The following SLC43A1 variants were observed in gnomAD, a reference collection of about 807,000 sequenced individuals.
SLC43A1 encodes solute carrier family 43 member 1.
A neutral mutation model predicts 59.5 loss-of-function variants in SLC43A1; 31 were observed. That is an observed-to-expected ratio of 0.52 (90% confidence interval 0.39 to 0.70). The LOEUF (loss-of-function observed/expected upper bound fraction) is 0.70. Among genes scored for constraint, SLC43A1 ranks in the 30% least tolerant of loss-of-function variants. SLC43A1 has a pLI of 0.00. For synonymous variants in SLC43A1, 259 were observed against 290.9 expected, an observed-to-expected ratio of 0.89 and a Z score of 1.12; for missense variants, 598 against 717.8, an observed-to-expected ratio of 0.83 and a Z score of 1.91.
intron 2 of SLC43A1, 100 bp from the exon 3 acceptor site, chr11:57,501,429 C>T (rs1944266054): frequency 2.3e-6 from 3 of 1,282,168 alleles, no homozygotes; most frequent in Non-Finnish European, 3.3e-6. Flanking sequence ...AAATCCCATG[C>T]CAAGTGCCTT....
chr11:57,491,662 G>T (rs1191603350), intron 9 of SLC43A1, 36 bp from the exon 10 acceptor site: 5 of 1,614,172 alleles, frequency 3.1e-6, no homozygotes, highest in Non-Finnish European at 3.4e-6. Flanking sequence ...GGGGAGCTCA[G>T]CCAGGGTGAC....
At chr11:57,494,400 T>C in intron 7 of SLC43A1, 1 of 506,364 alleles carries the variant, frequency 2.0e-6, no homozygotes, top group Non-Finnish European at 3.4e-6. Flanking sequence ...GTTTTTCACT[T>C]GGGCTGTTCC....
Position 57,496,087 on chromosome 11 carries a change from G to C in SLC43A1, c.636C>G (p.Asn212Lys). The C allele has an allele frequency of 6.2e-7, 1 of 1,614,204 alleles. No individual in the cohort carries two copies. ...CTTCGATGGGCCAGTTGAGGGTGCA[G>C]TTCAGAAAGATAAGGCAGGCCAGGC... ...WSGLACLIFL[N>K]CTLNWPIEAF... Residue 212 changes from asparagine to lysine, a missense_variant, in exon 7 of 15, where the codon AAC becomes AAG. Coordinates refer to ENST00000278426, the MANE Select transcript of SLC43A1 (RefSeq NM_003627.6).
In SLC43A1 at chr11:57,513,981, C is replaced by T; in HGVS notation, c.131G>A (p.Gly44Asp). Reference sequence around the variant, plus strand: ...ACCTGGGCACGTGCTGGAATAGAAGCCCTCGTTCTTCAGAATGATCAACAG... The same window carrying T: ...ACCTGGGCACGTGCTGGAATAGAAGTCCTCGTTCTTCAGAATGATCAACAG... ...GSLLIILKNE[G>D]FYSSTCPAES... The change falls in exon 2 of 15, where the codon GGC becomes GAC. Residue 44 changes from glycine to aspartate, a missense_variant. Physicochemically the swap from Gly to Asp is moderately conservative, Grantham distance 94. Transcript: ENST00000278426. 6.3e-7 allele frequency: 1 copy of T among 1,579,410 alleles called. No homozygotes were observed. Among genetic ancestry groups the T allele is most frequent in the Non-Finnish European group, 8.6e-7 (1 of 1,160,014 alleles).
chr11:57,499,177 A>C (rs372297099), intron 5 of SLC43A1, among the ~76,000 whole-genome samples: 5 of 152,106 alleles, frequency 3.3e-5, no homozygotes, highest in African/African-American at 1.2e-4. Context: ...CGAAAAAATT[A>C]GCCGGGCGTG....
rs565054513 is a variant in SLC43A1 at position 57,515,116 on chromosome 11, G to A, written c.-14+328C>T. ...AGGAAGTACCAGTCACTTCTTCCAGGGGGACTCGGTATTCTCATCTGTGAA... is the reference window on the plus strand; with the variant it reads ...AGGAAGTACCAGTCACTTCTTCCAGAGGGACTCGGTATTCTCATCTGTGAA... On this transcript the variant is annotated intron_variant, in intron 1 of 14. Transcript: ENST00000278426. The surrounding 1 kb of genome is among the most constrained non-coding windows in gnomAD (Gnocchi z 5.3). The A allele has an allele frequency of 1.0e-6, 1 of 974,682 alleles. No individual in the cohort carries two copies. Among genetic ancestry groups the A allele is most frequent in the Admixed American group, 6.2e-5 (1 of 16,256 alleles). The allele number at this position is 974,682 out of a possible 1,614,324, so 60.4% of individuals were successfully genotyped here. A position where few individuals can be genotyped will look rare whatever the true frequency, so the allele number is the denominator to read the frequency against.
chr11:57,493,179 C>A (rs1396550467), intron 8 of SLC43A1, among the ~76,000 whole-genome samples: 1 of 152,200 alleles, frequency 6.6e-6, no homozygotes, highest in Non-Finnish European at 1.5e-5. Context: ...GAAACTGCAG[C>A]TCAGGAAGTT....
chr11:57,509,680 G>T (rs1590782280), intron 2 of SLC43A1, among the ~76,000 whole-genome samples: 1 of 129,114 alleles, frequency 7.7e-6, no homozygotes, highest in South Asian at 2.9e-4. Context: ...GAAGGAGGGA[G>T]GGAGGGAGAG....
chr11:57,493,984 G>GAC lies in SLC43A1; in HGVS notation c.871+7_871+8dup. The GAC allele has an allele frequency of 6.3e-7, 1 of 1,577,790 alleles. No homozygotes were observed. Among genetic ancestry groups the GAC allele is most frequent in the Non-Finnish European group, 8.6e-7 (1 of 1,163,414 alleles). On this transcript the variant is annotated intron_variant, in intron 8 of 14. Coordinates refer to ENST00000278426, the MANE Select transcript of SLC43A1 (RefSeq NM_003627.6). Reference sequence around the variant, plus strand: ...TCCCCCAAGGCCGGCACCTTGACCAGACACTCACTCTCAGGAAGGTTTTCT... The same window carrying GAC: ...TCCCCCAAGGCCGGCACCTTGACCAGACACACTCACTCTCAGGAAGGTTTTCT...
In SLC43A1 at chr11:57,503,380, C is replaced by T. The variant is rs1002081486; in HGVS notation, c.155-2051G>A. On this transcript the variant is annotated intron_variant, in intron 2 of 14. Coordinates refer to ENST00000278426, the MANE Select transcript of SLC43A1 (RefSeq NM_003627.6). Reference sequence around the variant, plus strand: ...AGTGGTGCAATTATAGCTCACTGCACCTTTGACTTCCCAGCTCACTGTAGC... The same window carrying T: ...AGTGGTGCAATTATAGCTCACTGCATCTTTGACTTCCCAGCTCACTGTAGC... 6.7e-5 allele frequency among the ~76,000 whole-genome samples: 10 copies of T among 148,442 alleles called. No individual in the cohort carries two copies. In the South Asian group the frequency reaches 1.3e-3, roughly 19 times the overall value.
chr11:57,492,904 G>A (rs532252578), intron 8 of SLC43A1, among the ~76,000 whole-genome samples: 80 of 151,990 alleles, frequency 5.3e-4, no homozygotes, highest in African/African-American at 1.8e-3. Flanking sequence ...GCCGAGCATG[G>A]TGGTGCACGC....
At chr11:57,509,485 G>A (rs1422203387) in intron 2 of SLC43A1, among the ~76,000 whole-genome samples, 4 of 151,876 alleles carry the variant, frequency 2.6e-5, no homozygotes, top group Non-Finnish European at 4.4e-5. Flanking sequence ...CTACTCAGGA[G>A]GCTGAGGCAG....
rs957638317 is a variant in SLC43A1, at chr11:57,491,532, C to T, written c.1054+59G>A. ...CCCAGGCCTAGAGGAGTCCCGCCCC[C>T]TGAGAAGCGGGTTGCAGTGGGGTGG... On this transcript the variant is annotated intron_variant, in intron 10 of 14. Coordinates refer to ENST00000278426, the MANE Select transcript of SLC43A1 (RefSeq NM_003627.6). The T allele has an allele frequency of 3.2e-5, 52 of 1,608,878 alleles. 1 individual carries two copies. In the South Asian group the frequency reaches 5.6e-4, roughly 17 times the overall value.
chr11:57,497,817 G>A lies in SLC43A1; in HGVS notation c.494C>T (p.Ser165Phe). Residue 165 changes from serine to phenylalanine, a missense_variant, in exon 6 of 15, where the codon TCC (serine) becomes TTC (phenylalanine). By Grantham distance (155) the Ser-to-Phe change is radical (BLOSUM62 -2). Coordinates refer to ENST00000278426, the MANE Select transcript of SLC43A1 (RefSeq NM_003627.6). Reference protein sequence around the residue: ...TLPNMFGNLRSTLMALMIGSY... With the variant: ...TLPNMFGNLRFTLMALMIGSY... Reference sequence around the variant, plus strand: ...GCCAATCATGAGGGCCATTAACGTGGAGCGCAGGTTCCCAAACATGTTGGG... The same window carrying A: ...GCCAATCATGAGGGCCATTAACGTGAAGCGCAGGTTCCCAAACATGTTGGG... 2.5e-6 allele frequency: 4 copies of A among 1,613,624 alleles called. No homozygotes were observed. The highest frequency in any genetic ancestry group is 3.4e-6 in the Non-Finnish European group (4 of 1,179,900).
chr11:57,485,703 A>T (rs1943709683), intron 14 of SLC43A1, among the ~76,000 whole-genome samples: 1 of 152,232 alleles, frequency 6.6e-6, no homozygotes, highest in African/African-American at 2.4e-5. Flanking sequence ...GGCCCAGGAC[A>T]CGCGGGCTCT....
At chr11:57,495,394 G>C (rs1408085942) in intron 7 of SLC43A1, among the ~76,000 whole-genome samples, 3 of 152,016 alleles carry the variant, frequency 2.0e-5, no homozygotes, top group African/African-American at 7.3e-5. Flanking sequence ...GGAGGCAGAG[G>C]TTGCAGTTCA....
chr11:57,487,030 C>A, intron 14 of SLC43A1, 65 bp downstream of exon 14: 1 of 1,566,532 alleles, frequency 6.4e-7, no homozygotes, highest in South Asian at 1.1e-5. Context: ...GCACCACATA[C>A]AAGGCCCTAC....
chr11:57,487,118 G>A lies in SLC43A1; in HGVS notation c.1510C>T (p.Pro504Ser), dbSNP rs769173639. ...ACCCAGAAGGGCTCTCCTTTCAGGG[G>A]TCCCACCATCGCCATGAAAAGTGGC... ...QQPLFMAMVGPLKGEPFWVNL... is the reference protein window; with the variant it reads ...QQPLFMAMVGSLKGEPFWVNL... The change falls in exon 14 of 15, where the codon CCC (proline) becomes TCC (serine). Residue 504 changes from proline to serine, a missense_variant. By Grantham distance (74) the Pro-to-Ser change is moderately conservative (BLOSUM62 -1). Transcript: ENST00000278426. 1.9e-6 allele frequency: 3 copies of A among 1,614,026 alleles called. No individual in the cohort carries two copies. In the Admixed American group the frequency reaches 5.0e-5, roughly 27 times the overall value.
chr11:57,488,683 A>AGTGT (rs1943813002), intron 13 of SLC43A1, among the ~76,000 whole-genome samples: 2 of 152,214 alleles, frequency 1.3e-5, no homozygotes, highest in Non-Finnish European at 2.9e-5. Flanking sequence ...AACAGCAGAC[A>AGTGT]TAGAACCAAA....
Sources: allele counts gnomAD v4.1 joint callset (sites outside exome capture counted in the v4.1 genomes callset), GRCh38; gene constraint gnomAD v4.1.1; non-coding constraint Gnocchi (gnomAD v3.1); transcripts MANE v1.5; gene names NCBI Gene and HGNC (gene_info 2026-07-23, HGNC 2026-07-21).